The following GRIP1 variants were observed in gnomAD, a reference collection of about 807,000 sequenced individuals.
GRIP1 encodes the protein glutamate receptor-interacting protein 1.
In GRIP1, 45 loss-of-function variants were observed where a neutral mutation model predicts 129.9. The observed-to-expected ratio is 0.35, with a 90% CI of 0.27 to 0.44. The LOEUF (loss-of-function observed/expected upper bound fraction) is 0.44. Among genes scored for constraint, GRIP1 ranks in the 20% least tolerant of loss-of-function variants. The probability of loss-of-function intolerance (pLI) is 1.00; values close to 1 mark genes in which losing one functional copy is unlikely to be tolerated. For synonymous variants in GRIP1, 530 were observed against 520.8 expected (o/e 1.02, Z -0.24); for missense variants, 1,196 against 1,396.8 (o/e 0.86, Z 2.29).
intron 1 of GRIP1, among the ~76,000 whole-genome samples, chr12:66,698,196 C>G (rs571036190): frequency 2.0e-5 from 3 of 152,264 alleles, no homozygotes; most frequent in Admixed American, 2.0e-4. Flanking sequence ...TCTCTTCAAT[C>G]AATATGTATC....
At chr12:67,067,573 T>C (rs2043650994) in intron 1 of GRIP1, among the ~76,000 whole-genome samples, 1 of 152,164 alleles carries the variant, frequency 6.6e-6, no homozygotes, top group Non-Finnish European at 1.5e-5. Flanking sequence ...TAAGGTCACC[T>C]GCCAGAAAGT....
chr12:67,044,885 T>C (rs1233245925), intron 1 of GRIP1, among the ~76,000 whole-genome samples: 1 of 152,246 alleles, frequency 6.6e-6, no homozygotes, highest in East Asian at 1.9e-4. Context: ...TCGAGAACTA[T>C]GCACAGAATG....
intron 7 of GRIP1, among the ~76,000 whole-genome samples, chr12:66,474,197 T>C (rs935272306): frequency 6.6e-5 from 10 of 151,806 alleles, no homozygotes; most frequent in Admixed American, 4.6e-4. Context: ...GAAGTATCAA[T>C]AGCCAAACTG....
chr12:66,531,252 A>AT (rs1565833703), intron 4 of GRIP1, among the ~76,000 whole-genome samples: 3 of 19,448 alleles, frequency 1.5e-4, no homozygotes, highest in South Asian at 1.8e-3. Context: ...AAAAAAAAAA[A>AT]ATATATATAT....
At chr12:66,514,360 C>T (rs75725925) in intron 7 of GRIP1, among the ~76,000 whole-genome samples, 2 of 152,080 alleles carry the variant, frequency 1.3e-5, no homozygotes, top group African/African-American at 4.8e-5. Flanking sequence ...CTGATTTTAT[C>T]TTCATAATTG....
At chr12:66,739,891 C>G (rs562986510) in intron 1 of GRIP1, among the ~76,000 whole-genome samples, 34 of 152,268 alleles carry the variant, frequency 2.2e-4, no homozygotes, top group African/African-American at 8.2e-4. Flanking sequence ...TGTTGAGGCT[C>G]AGTCCTCAAT....
intron 1 of GRIP1, among the ~76,000 whole-genome samples, chr12:66,866,992 T>C (rs910611436): frequency 3.3e-5 from 5 of 152,158 alleles, no homozygotes; most frequent in Admixed American, 6.6e-5. Context: ...GTATATTTTA[T>C]TTATTTTTTA....
intron 1 of GRIP1, among the ~76,000 whole-genome samples, chr12:66,745,868 C>G (rs563283589): frequency 8.5e-5 from 13 of 152,112 alleles, no homozygotes; most frequent in African/African-American, 3.1e-4. Flanking sequence ...AGGTCAGAAG[C>G]GGCAAAGCCA....
At chr12:66,794,813 ATTT>A (rs1453960615) in intron 1 of GRIP1, among the ~76,000 whole-genome samples, 1 of 152,218 alleles carries the variant, frequency 6.6e-6, no homozygotes, top group Non-Finnish European at 1.5e-5. Context: ...AAGATTTGGA[ATTT>A]TTAAGAATAA....
intron 1 of GRIP1, among the ~76,000 whole-genome samples, chr12:66,688,612 T>C (rs2034864676): frequency 6.6e-6 from 1 of 152,114 alleles, no homozygotes; most frequent in Non-Finnish European, 1.5e-5. Flanking sequence ...GCTCATAATA[T>C]CTTGTCTTCC....
At chr12:66,356,767 C>T (rs1447381963) in intron 23 of GRIP1, among the ~76,000 whole-genome samples, 2 of 152,206 alleles carry the variant, frequency 1.3e-5, no homozygotes, top group Non-Finnish European at 2.9e-5. Context: ...TTCATAAACT[C>T]CACATCATTA....
At chr12:66,685,522 A>G (rs967707247) in intron 1 of GRIP1, among the ~76,000 whole-genome samples, 1 of 152,176 alleles carries the variant, frequency 6.6e-6, no homozygotes, top group Non-Finnish European at 1.5e-5. Context: ...TTAATTTTCA[A>G]TACATAGACT....
chr12:66,976,335 C>T (rs1299186873), intron 1 of GRIP1, among the ~76,000 whole-genome samples: 2 of 152,186 alleles, frequency 1.3e-5, no homozygotes, highest in African/African-American at 2.4e-5. Context: ...TTATATATCG[C>T]TCCTCACAGA....
chr12:66,535,130 C>T (rs2061568661), intron 4 of GRIP1, among the ~76,000 whole-genome samples: 1 of 152,138 alleles, frequency 6.6e-6, no homozygotes, highest in South Asian at 2.1e-4. Context: ...TTCCTGGAAA[C>T]GCCTAGCTCT....
At chr12:66,873,713 T>C (rs1438277118) in intron 1 of GRIP1, among the ~76,000 whole-genome samples, 1 of 152,198 alleles carries the variant, frequency 6.6e-6, no homozygotes, top group Non-Finnish European at 1.5e-5. Flanking sequence ...ATGACTCCTC[T>C]GCAAAATAGA....
intron 1 of GRIP1, among the ~76,000 whole-genome samples, chr12:66,599,986 G>A (rs2064208472): frequency 6.6e-6 from 1 of 152,156 alleles, no homozygotes; most frequent in African/African-American, 2.4e-5. Flanking sequence ...TCACAGGAGT[G>A]AGTGAGTGGG....
intron 1 of GRIP1, among the ~76,000 whole-genome samples, chr12:66,810,392 T>C (rs1381575171): frequency 4.6e-5 from 7 of 152,222 alleles, no homozygotes; most frequent in African/African-American, 1.2e-4. Flanking sequence ...ACCCCGTCTC[T>C]ACTAAAAATA....
intron 1 of GRIP1, among the ~76,000 whole-genome samples, chr12:66,767,756 G>A (rs1007575173): frequency 1.3e-5 from 2 of 152,160 alleles, no homozygotes; most frequent in South Asian, 2.1e-4. Context: ...ACCCTGCCAC[G>A]ATGCTGGTGT....
chr12:66,575,024 A>G (rs1207081374), intron 2 of GRIP1, among the ~76,000 whole-genome samples: 1 of 151,904 alleles, frequency 6.6e-6, no homozygotes, highest in Non-Finnish European at 1.5e-5. Context: ...TGCCTGCCTC[A>G]GCCTCCGAAA....
Sources: gnomAD v4.1 joint callset for allele counts (sites outside exome capture counted in the v4.1 genomes callset) on GRCh38, gnomAD v4.1.1 for gene constraint, MANE v1.5 for transcripts, NCBI Gene and HGNC (gene_info 2026-07-23, HGNC 2026-07-21) for gene names.